The following KIF15 variants were observed in gnomAD, a reference collection of about 807,000 sequenced individuals.
KIF15 encodes kinesin-like protein KIF15.
A neutral mutation model predicts 190.6 loss-of-function variants in KIF15; 140 were observed. The ratio of observed to expected loss-of-function variants is 0.73; its 90% CI spans 0.64 to 0.84. KIF15 has a LOEUF of 0.84. KIF15 is among the 40% of genes least tolerant of loss of function. The probability of loss-of-function intolerance (pLI) is 0.00; values close to 1 mark genes in which losing one functional copy is unlikely to be tolerated. For synonymous variants in KIF15, 528 were observed against 551.3 expected, an observed-to-expected ratio of 0.96 and a Z score of 0.59; for missense variants, 1,372 against 1,584.4, an observed-to-expected ratio of 0.87 and a Z score of 2.28.
intron 30 of KIF15, among the ~76,000 whole-genome samples, chr3:44,847,140 A>G (rs1410160203): frequency 1.3e-5 from 2 of 152,212 alleles, no homozygotes. Flanking sequence ...TTCTTCATTG[A>G]GGACTCATTA....
chr3:44,831,409 A>G (rs72875763), intron 26 of KIF15, among the ~76,000 whole-genome samples: 3,716 of 152,196 alleles, frequency 0.024, 135 homozygotes, highest in African/African-American at 0.083. Flanking sequence ...TTATCTAGCT[A>G]ATCTATTTTC....
At chr3:44,768,301 AAAC>A (rs1260435314) in intron 1 of KIF15, among the ~76,000 whole-genome samples, 1 of 152,032 alleles carries the variant, frequency 6.6e-6, no homozygotes, top group Non-Finnish European at 1.5e-5. Flanking sequence ...AAGAAAAAAA[AAAC>A]CACTGATGCA....
At chr3:44,764,259 C>G (rs1705292327) in intron 1 of KIF15, among the ~76,000 whole-genome samples, 1 of 152,194 alleles carries the variant, frequency 6.6e-6, no homozygotes, top group African/African-American at 2.4e-5. Context: ...GTGACCCTTC[C>G]TAGTCAATAA....
intron 25 of KIF15, 34 bp downstream of exon 25, chr3:44,830,109 A>G (rs747494273): frequency 1.7e-6 from 2 of 1,165,342 alleles, no homozygotes; most frequent in Middle Eastern, 2.0e-4. Flanking sequence ...GTTAAATTTG[A>G]GCATGGGACA....
chr3:44,786,385 T>C lies in KIF15; in HGVS notation c.460-10T>C, dbSNP rs1706406235. ...AAATAATGTATCTAAATGAGGCTTC[T>C]TTTTTACAGGCTGGAGCTGGAAAGA... On this transcript the variant is annotated splice_polypyrimidine_tract_variant and intron_variant, in intron 6 of 34. Transcript: ENST00000326047. The C allele has an allele frequency of 6.3e-7, 1 of 1,588,832 alleles. No homozygotes were observed. Among genetic ancestry groups the C allele is most frequent in the African/African-American group, 1.4e-5 (1 of 73,898 alleles).
downstream of KIF15, among the ~76,000 whole-genome samples, chr3:44,854,442 T>C (rs1699161142): frequency 6.6e-6 from 1 of 151,210 alleles, no homozygotes; most frequent in Admixed American, 6.6e-5. Flanking sequence ...GAAAAAATTG[T>C]AATGCATAGT....
In KIF15 at chr3:44,802,817, G is replaced by C; in HGVS notation, c.1513G>C (p.Glu505Gln). 6.4e-7 allele frequency: 1 copy of C among 1,566,430 alleles called. No homozygotes were observed. Among genetic ancestry groups the C allele is most frequent in the Non-Finnish European group, 8.6e-7 (1 of 1,163,930 alleles). The stretch of plus-strand genomic sequence containing the variant: ...GTGTAATTCTTCTATGTCACAGATA[G>C]AGCACCACCCCAGAGTTGCAAAGTA... Reference protein sequence around the residue: ...NEIQTLREQIEHHPRVAKYAM... With the variant: ...NEIQTLREQIQHHPRVAKYAM... Residue 505 changes from glutamate (E) to glutamine (Q), a missense_variant, in exon 14 of 35, where the codon GAG (glutamate) becomes CAG (glutamine). Glu to Gln is a conservative substitution (Grantham distance 29). Coordinates refer to ENST00000326047, the MANE Select transcript of KIF15 (RefSeq NM_020242.3).
At chr3:44,848,666 A>C (rs1698954105) in intron 32 of KIF15, 108 bp downstream of exon 32, 1 of 489,414 alleles carries the variant, frequency 2.0e-6, no homozygotes, top group Non-Finnish European at 3.6e-6. Flanking sequence ...TGCAGTAATA[A>C]GTGAATTTAA....
chr3:44,830,700 C>T (rs1272448142), intron 25 of KIF15, among the ~76,000 whole-genome samples, 196 bp from the exon 26 acceptor site: 1 of 152,130 alleles, frequency 6.6e-6, no homozygotes, highest in Non-Finnish European at 1.5e-5. Context: ...GTGTTTTTTT[C>T]ACTGATACTT....
intron 20 of KIF15, among the ~76,000 whole-genome samples, chr3:44,817,634 G>T (rs531786216): frequency 6.6e-5 from 10 of 152,250 alleles, no homozygotes; most frequent in African/African-American, 2.4e-4. Flanking sequence ...TGCTGTTTTG[G>T]TTACTGTAGC....
chr3:44,763,761 C>T (rs575824327), intron 1 of KIF15, among the ~76,000 whole-genome samples: 1 of 152,036 alleles, frequency 6.6e-6, no homozygotes, highest in South Asian at 2.1e-4. Context: ...AATCTTGGCT[C>T]ACTGCAATCT....
intron 30 of KIF15, 23 bp from the exon 31 acceptor site, chr3:44,847,962 C>G: frequency 1.9e-6 from 3 of 1,561,746 alleles, no homozygotes; most frequent in South Asian, 2.3e-5. Context: ...TATGCCTCCT[C>G]CCACCCCTGT....
Position 44,866,221 on chromosome 3 carries a change from C to T in KIF15, c.*60-7108C>T, listed in dbSNP as rs539510075. On this transcript the variant is annotated intron_variant and NMD_transcript_variant, in intron 6 of 6. Transcript: ENST00000422209. ...CCGAGTAGCTGGGACTACAGGCACC[C>T]GCCACCATGCCCAGCTAATTTTTTT... Among the ~76,000 whole-genome samples, 4 of 151,936 alleles carry T rather than the reference C, an allele frequency of 2.6e-5. No individual in the cohort carries two copies. The South Asian group carries it at 6.3e-4, about 24-fold the overall frequency.
At chr3:44,858,062 C>G (rs557108109), downstream of KIF15, among the ~76,000 whole-genome samples, 4 of 152,138 alleles carry the variant, frequency 2.6e-5, no homozygotes, top group Non-Finnish European at 5.9e-5. Flanking sequence ...GGCAGTACAG[C>G]CCAGGTAAGC....
At chr3:44,845,605 G>T (rs1396013810) in intron 30 of KIF15, among the ~76,000 whole-genome samples, 1 of 152,174 alleles carries the variant, frequency 6.6e-6, no homozygotes, top group Non-Finnish European at 1.5e-5. Context: ...GCTAAGGCAT[G>T]TGAAAGTTGC....
intron 22 of KIF15, chr3:44,827,123 C>A: frequency 2.3e-6 from 1 of 434,096 alleles, no homozygotes; most frequent in Non-Finnish European, 4.6e-6. Flanking sequence ...AATTCCAGAA[C>A]ATTTAGAGTT....
At chr3:44,768,933 A>G (rs941542235) in intron 1 of KIF15, among the ~76,000 whole-genome samples, 1 of 152,206 alleles carries the variant, frequency 6.6e-6, no homozygotes, top group African/African-American at 2.4e-5. Context: ...TCATGCCAGA[A>G]GTCATGCTCG....
intron 19 of KIF15, among the ~76,000 whole-genome samples, chr3:44,813,695 C>T (rs1024478376): frequency 7.1e-6 from 1 of 141,726 alleles, no homozygotes; most frequent in Admixed American, 7.6e-5. Context: ...GGCGGGATCT[C>T]GGCGGCTCAC....
At chr3:44,795,982 C>T (rs1706958311) in intron 8 of KIF15, among the ~76,000 whole-genome samples, 1 of 152,144 alleles carries the variant, frequency 6.6e-6, no homozygotes, top group South Asian at 2.1e-4. Context: ...CTGCCTCAGC[C>T]TCCCAAGTAG....
Sources: gnomAD v4.1 joint callset for allele counts (sites outside exome capture counted in the v4.1 genomes callset) on GRCh38, gnomAD v4.1.1 for gene constraint, MANE v1.5 for transcripts, NCBI Gene and HGNC (gene_info 2026-07-23, HGNC 2026-07-21) for gene names.